Variants in MEI1 observed in about 807,000 individuals in gnomAD.
MEI1 encodes the protein meiosis inhibitor protein 1.
Under a neutral mutation model 146.2 loss-of-function variants are expected in MEI1, and 103 were observed. The observed-to-expected ratio is 0.70, with a 90% CI of 0.60 to 0.83. The LOEUF (loss-of-function observed/expected upper bound fraction) is 0.83, where lower values mean the gene tolerates loss of function less well. MEI1 is among the 40% of genes least tolerant of loss of function. The pLI, the probability that MEI1 is intolerant of heterozygous loss-of-function variation, is 0.00. For synonymous variants in MEI1, 652 were observed against 628.2 expected (o/e 1.04, Z -0.57); for missense variants, 1,529 against 1,533.0 (o/e 1.00, Z 0.04).
At chr22:41,765,400 G>C (rs2074780799) in intron 19 of MEI1, among the ~76,000 whole-genome samples, 1 of 152,162 alleles carries the variant, frequency 6.6e-6, no homozygotes, top group Non-Finnish European at 1.5e-5. Flanking sequence ...AGGATTACTT[G>C]AGCGCAAGAG....
chr22:41,748,242 G>A (rs1333879779), intron 15 of MEI1, 24 bp downstream of exon 15: 1 of 1,518,538 alleles, frequency 6.6e-7, no homozygotes, highest in South Asian at 1.1e-5. Flanking sequence ...AAATGTGGAG[G>A]TTGGGAGGGA....
At chr22:41,791,620 G>A (rs2076186092) in intron 26 of MEI1, among the ~76,000 whole-genome samples, 1 of 152,170 alleles carries the variant, frequency 6.6e-6, no homozygotes, top group Non-Finnish European at 1.5e-5. Context: ...ATACCCATGA[G>A]GGTGGCTAAA....
chr22:41,714,164 T>G, intron 4 of MEI1, 89 bp downstream of exon 4: 1 of 1,307,282 alleles, frequency 7.6e-7, no homozygotes, highest in Non-Finnish European at 1.1e-6. Flanking sequence ...GAGATTGAAG[T>G]CCAGGGAGGA....
intron 3 of MEI1, among the ~76,000 whole-genome samples, chr22:41,713,493 AAAG>A (rs1440195644): frequency 5.3e-5 from 8 of 151,396 alleles, no homozygotes; most frequent in African/African-American, 1.9e-4. Context: ...GAAAAAAAAA[AAAG>A]AAGCCAGAAC....
intron 5 of MEI1, among the ~76,000 whole-genome samples, chr22:41,716,355 C>A (rs1310341547): frequency 8.4e-6 from 1 of 118,582 alleles, no homozygotes; most frequent in African/African-American, 3.3e-5. Flanking sequence ...TCCATTCATT[C>A]TTTTTTTTTT....
intron 20 of MEI1, 70 bp from the exon 21 acceptor site, chr22:41,776,032 C>G (rs941773206): frequency 2.2e-5 from 33 of 1,514,378 alleles, no homozygotes; most frequent in Non-Finnish European, 2.8e-5. Context: ...TCCTGCCCCT[C>G]TATTCCTCAT....
Position 41,794,372 on chromosome 22 carries a change from T to C in MEI1, c.3429T>C (p.Ala1143=). Residue 1143 remains alanine, a splice_region_variant and synonymous_variant, in exon 28 of 31, where the codon GCT becomes GCC. Coordinates refer to ENST00000401548, the MANE Select transcript of MEI1 (RefSeq NM_152513.4). The part of the protein sequence containing the change: ...DYLDARSPDI[A]LHVASQPWNR... ...TTAACAACCCAGTGTTTCTTGAAGCTCTCCACGTGGCCTCCCAGCCTTGGA... is the reference window on the plus strand; with the variant it reads ...TTAACAACCCAGTGTTTCTTGAAGCCCTCCACGTGGCCTCCCAGCCTTGGA... 6.2e-7 allele frequency: 1 copy of C among 1,613,678 alleles called. No individual in the cohort carries two copies.
chr22:41,772,346 C>T (rs1349917505), intron 20 of MEI1, among the ~76,000 whole-genome samples: 2 of 152,122 alleles, frequency 1.3e-5, no homozygotes, highest in African/African-American at 4.8e-5. Context: ...CTTAGCCTCC[C>T]AAGTAACTAG....
At chr22:41,784,449 A>G in intron 25 of MEI1, 29 bp downstream of exon 25, 1 of 1,612,626 alleles carries the variant, frequency 6.2e-7, no homozygotes, top group South Asian at 1.1e-5. Context: ...CCAGCAGAAG[A>G]AAAGCTTTTT....
chr22:41,715,954 C>A, intron 4 of MEI1, 87 bp from the exon 5 acceptor site: 2 of 915,420 alleles, frequency 2.2e-6, no homozygotes, highest in Non-Finnish European at 1.7e-6. Flanking sequence ...GCAATACAGG[C>A]ATTGGTGTGG....
intron 8 of MEI1, 50 bp downstream of exon 8, chr22:41,729,829 GGT>G: frequency 8.0e-7 from 1 of 1,248,434 alleles, no homozygotes; most frequent in Non-Finnish European, 1.1e-6. Context: ...AGGATGGGGT[GGT>G]GACAGGTTCA....
At chr22:41,743,784 C>A (rs2073071087) in intron 12 of MEI1, among the ~76,000 whole-genome samples, 1 of 152,154 alleles carries the variant, frequency 6.6e-6, no homozygotes. Context: ...AGCTAATGCC[C>A]ACTAGCCTGT....
chr22:41,758,478 C>T lies in MEI1; in HGVS notation c.2065C>T (p.Gln689Ter), dbSNP rs1399850112. The change falls in exon 18 of 31, where the codon CAG becomes TAG. Residue 689 changes from glutamine to a stop codon, truncating the protein, a stop_gained. Coordinates refer to ENST00000401548, the MANE Select transcript of MEI1 (RefSeq NM_152513.4). LOFTEE classifies it high-confidence loss of function. The stretch of plus-strand genomic sequence containing the variant: ...CCAGTACATGGAGGGAGCTGCTCGC[C>T]AGAGACAGTACTGCATCCTGCTCCT... ...DRQYMEGAAR[Q>*]RQYCILLLFY... 1 of 1,613,764 alleles carries T rather than the reference C, an allele frequency of 6.2e-7. No individual in the cohort carries two copies. The highest frequency in any genetic ancestry group is 8.5e-7 in the Non-Finnish European group (1 of 1,179,866).
intron 1 of MEI1, among the ~76,000 whole-genome samples, chr22:41,700,939 C>CTTTT (rs530432136): frequency 1.9e-4 from 24 of 129,582 alleles, no homozygotes; most frequent in African/African-American, 2.9e-4. Flanking sequence ...TTCTTTCTTT[C>CTTTT]TTTTTTTTTT....
intron 20 of MEI1, 27 bp downstream of exon 20, chr22:41,770,988 A>C: frequency 2.5e-6 from 4 of 1,604,742 alleles, no homozygotes; most frequent in Non-Finnish European, 3.4e-6. Context: ...TCATTTCTAC[A>C]TTCAGAAATC....
rs758540622 is a variant in MEI1 at position 41,795,553 on chromosome 22, A to G, written c.3666+11A>G. ...GGCTTCTTCCAGCAGGTGGGTGGGA[A>G]GGGGAGGCCATGCAGCCACTGTAAA... On this transcript the variant is annotated intron_variant, in intron 29 of 30. Transcript: ENST00000401548. This position sits in a 1 kb window ranked among gnomAD's most constrained non-coding sequence, Gnocchi z 4.2. 217 of 1,613,606 alleles carry G rather than the reference A, an allele frequency of 1.3e-4. No individual in the cohort carries two copies. The highest frequency in any genetic ancestry group is 1.7e-4 in the Non-Finnish European group (199 of 1,179,794).
At chr22:41,720,355 C>T (rs552039463) in intron 6 of MEI1, among the ~76,000 whole-genome samples, 25 of 152,280 alleles carry the variant, frequency 1.6e-4, no homozygotes, top group African/African-American at 5.8e-4. Flanking sequence ...GGCAGTCCTA[C>T]AGCTCACCTA....
intron 19 of MEI1, among the ~76,000 whole-genome samples, chr22:41,765,625 A>G (rs1000394697): frequency 6.6e-6 from 1 of 152,132 alleles, no homozygotes; most frequent in African/African-American, 2.4e-5. Flanking sequence ...AGCCAGATTC[A>G]CCAATTTTTA....
intron 15 of MEI1, among the ~76,000 whole-genome samples, chr22:41,751,452 A>G (rs1428268556): frequency 3.6e-5 from 5 of 139,570 alleles, no homozygotes; most frequent in Non-Finnish European, 5.9e-5. Flanking sequence ...AGGAGCCAGC[A>G]GCACAAAGGC....
Sources: allele counts gnomAD v4.1 joint callset (sites outside exome capture counted in the v4.1 genomes callset), GRCh38; gene constraint gnomAD v4.1.1; non-coding constraint Gnocchi (gnomAD v3.1); transcripts MANE v1.5; gene names NCBI Gene and HGNC (gene_info 2026-07-23, HGNC 2026-07-21).